The following POLR1D variants were observed in gnomAD, a reference collection of about 807,000 sequenced individuals.
The protein encoded by POLR1D is RNA polymerase I and III subunit D.
In POLR1D, 8 loss-of-function variants were observed where a neutral mutation model predicts 10.8. That is an observed-to-expected ratio of 0.74 (90% CI 0.43 to 1.33). POLR1D has a LOEUF of 1.33. Ranked by LOEUF, POLR1D falls within the 40% of genes most tolerant of loss-of-function variation. The pLI, the probability that POLR1D is intolerant of heterozygous loss-of-function variation, is 0.01. For missense variants in POLR1D, 152 were observed against 161.7 expected, an observed-to-expected ratio of 0.94 and a Z score of 0.32; for synonymous variants, 54 against 57.2, an observed-to-expected ratio of 0.94 and a Z score of 0.25.
chr13:27,657,357 C>G (rs571313130), intron 2 of POLR1D, among the ~76,000 whole-genome samples: 6 of 151,972 alleles, frequency 3.9e-5, no homozygotes, highest in Non-Finnish European at 7.4e-5. Context: ...CAGTGAAACC[C>G]CATCTCTACT....
intron 2 of POLR1D, among the ~76,000 whole-genome samples, chr13:27,655,003 A>G (rs927001787): frequency 6.6e-6 from 1 of 152,200 alleles, no homozygotes; most frequent in South Asian, 2.1e-4. Context: ...CACGGGTCAC[A>G]TGGTGAGAAC....
rs527493092 is a variant in POLR1D at position 27,661,217 on chromosome 13, C to A, written c.102-4469C>A. Among the ~76,000 whole-genome samples the A allele has an allele frequency of 3.3e-4, 50 of 152,274 alleles. No homozygotes were observed. The South Asian group carries it at 0.01, about 31-fold the overall frequency. On this transcript the variant is annotated intron_variant, in intron 2 of 2. Transcript: ENST00000399697. ...GTTTCAAAGTGAAGGAAATTGCTTT[C>A]CTTTTAAAGTTTAACCTGGATAGAA...
intron 1 of POLR1D, among the ~76,000 whole-genome samples, chr13:27,638,929 A>G (rs992935514): frequency 6.6e-6 from 1 of 151,946 alleles, no homozygotes; most frequent in Non-Finnish European, 1.5e-5. Context: ...CAAACTTTAG[A>G]GGCTTATGTT....
At chr13:27,653,801 A>G (rs542774689) in intron 2 of POLR1D, among the ~76,000 whole-genome samples, 1 of 152,338 alleles carries the variant, frequency 6.6e-6, no homozygotes, top group Non-Finnish European at 1.5e-5. Context: ...GTAATTTTGG[A>G]AACCTCTTTG....
At chr13:27,641,050 TA>T (rs1404099756) in intron 1 of POLR1D, among the ~76,000 whole-genome samples, 1 of 152,234 alleles carries the variant, frequency 6.6e-6, no homozygotes, top group Non-Finnish European at 1.5e-5. Context: ...ATTGTATTGT[TA>T]TTTTTTTGCT....
chr13:27,634,615 A>G (rs1204775953), intron 1 of POLR1D, among the ~76,000 whole-genome samples: 1 of 151,870 alleles, frequency 6.6e-6, no homozygotes, highest in African/African-American at 2.4e-5. Context: ...TAACCAGCCT[A>G]AGGTTATATG....
chr13:27,621,974 C>A lies in POLR1D; in HGVS notation c.-10C>A. 6.3e-7 allele frequency: 1 copy of A among 1,592,816 alleles called. No individual in the cohort carries two copies. Among genetic ancestry groups the A allele is most frequent in the South Asian group, 1.1e-5 (1 of 87,676 alleles). ...CAGCACCACCTGAGGATCCAGAAAC[C>A]GCCCCAGCGATGGAAGAGGATCAGG... On this transcript the variant is annotated 5_prime_UTR_variant, in exon 1 of 2. Coordinates refer to ENST00000302979, the MANE Select transcript of POLR1D (RefSeq NM_015972.4).
intron 2 of POLR1D, among the ~76,000 whole-genome samples, chr13:27,659,192 T>C (rs1239745327): frequency 1.3e-5 from 2 of 152,202 alleles, no homozygotes; most frequent in African/African-American, 4.8e-5. Context: ...TATATAAATA[T>C]TCACAGGGCA....
At chr13:27,633,370 A>G (rs962891538) in intron 1 of POLR1D, among the ~76,000 whole-genome samples, 1 of 152,180 alleles carries the variant, frequency 6.6e-6, no homozygotes, top group Non-Finnish European at 1.5e-5. Context: ...CTACCCATAT[A>G]CCTACTGTGT....
chr13:27,665,071 A>C (rs543575984), intron 2 of POLR1D: 1 of 153,836 alleles, frequency 6.5e-6, no homozygotes, highest in East Asian at 1.9e-4. Flanking sequence ...TATCCTGCAC[A>C]GAAATTCACC....
intron 1 of POLR1D, among the ~76,000 whole-genome samples, chr13:27,639,622 C>T (rs994494061): frequency 1.3e-5 from 2 of 152,116 alleles, no homozygotes; most frequent in Admixed American, 6.5e-5. Context: ...GGTCAGTAGA[C>T]CCTACAGTGA....
intron 2 of POLR1D, among the ~76,000 whole-genome samples, chr13:27,660,163 A>G (rs185674117): frequency 2.0e-4 from 30 of 152,308 alleles, no homozygotes; most frequent in African/African-American, 7.2e-4. Context: ...CTGTAGCACC[A>G]TGGGTGGTTT....
downstream of POLR1D, among the ~76,000 whole-genome samples, chr13:27,627,175 C>T (rs1956019739): frequency 6.6e-6 from 1 of 152,160 alleles, no homozygotes; most frequent in South Asian, 2.1e-4. Context: ...CTTTCAAGTA[C>T]TTATTAAGAC....
chr13:27,633,877 G>C (rs979323970), intron 1 of POLR1D, among the ~76,000 whole-genome samples: 5 of 152,198 alleles, frequency 3.3e-5, no homozygotes, highest in Admixed American at 1.3e-4. Context: ...TGTTGCTGTT[G>C]TTGTTTCCAA....
In POLR1D at chr13:27,665,701, T is replaced by C. The variant is rs41291678; in HGVS notation, c.117T>C (p.Leu39=). 0.048 allele frequency: 77,962 copies of C among 1,613,526 alleles called. 2,230 individuals carry two copies. Among genetic ancestry groups the C allele is most frequent in the Non-Finnish European group, 0.059 (69,674 of 1,179,384 alleles). ...CCCACCCCAGGATGAAGTGTCCTCTTGCTAGCACCAATAAAAGATTTCTAA... is the reference window on the plus strand; with the variant it reads ...CCCACCCCAGGATGAAGTGTCCTCTCGCTAGCACCAATAAAAGATTTCTAA... The change falls in exon 3 of 3, where the codon CTT becomes CTC. Residue 39 remains leucine, a synonymous_variant. Coordinates refer to the POLR1D transcript ENST00000399697.
chr13:27,642,726 A>T (rs1244707764), intron 1 of POLR1D, among the ~76,000 whole-genome samples: 1 of 152,226 alleles, frequency 6.6e-6, no homozygotes. Flanking sequence ...AATAGCTATC[A>T]TATTTCTTCT....
At chr13:27,659,183 A>T (rs1956334663) in intron 2 of POLR1D, among the ~76,000 whole-genome samples, 2 of 152,348 alleles carry the variant, frequency 1.3e-5, no homozygotes, top group African/African-American at 4.8e-5. Flanking sequence ...TTATTTATTT[A>T]TATAAATATT....
intron 1 of POLR1D, among the ~76,000 whole-genome samples, chr13:27,640,008 T>C (rs1249015204): frequency 1.3e-5 from 2 of 152,320 alleles, no homozygotes; most frequent in East Asian, 3.9e-4. Flanking sequence ...TATCGGCTGT[T>C]GTGGCCTTAG....
At chr13:27,627,747 T>C (rs619097), downstream of POLR1D, among the ~76,000 whole-genome samples, 15,765 of 135,162 alleles carry the variant, frequency 0.12, 649 homozygotes, top group East Asian at 0.3. Context: ...TTTTTTTTTT[T>C]TTTGTCCCAT....
Sources: gnomAD v4.1 joint callset for allele counts (sites outside exome capture counted in the v4.1 genomes callset) on GRCh38, gnomAD v4.1.1 for gene constraint, MANE v1.5 for transcripts, NCBI Gene and HGNC (gene_info 2026-07-23, HGNC 2026-07-21) for gene names.